Variants in PHACTR1 observed in about 807,000 individuals in gnomAD.
PHACTR1 encodes RPEL repeat containing 1.
In PHACTR1, 16 loss-of-function variants were observed where a neutral mutation model predicts 69.2. The observed-to-expected ratio is 0.23, with a 90% CI of 0.16 to 0.35. PHACTR1 has a LOEUF of 0.35. PHACTR1 is among the 10% of genes least tolerant of loss of function. The pLI is 1.00. For synonymous variants in PHACTR1, 312 were observed against 284.5 expected, an observed-to-expected ratio of 1.10 and a Z score of -0.97; for missense variants, 510 against 734.7, an observed-to-expected ratio of 0.69 and a Z score of 3.54.
At chr6:12,992,187 A>C (rs900798910) in intron 4 of PHACTR1, among the ~76,000 whole-genome samples, 5 of 152,162 alleles carry the variant, frequency 3.3e-5, no homozygotes, top group African/African-American at 9.7e-5. Context: ...GTTGAAGGAG[A>C]AATCAGAGTT....
intron 4 of PHACTR1, among the ~76,000 whole-genome samples, chr6:12,893,529 T>G (rs1195072009): frequency 6.6e-6 from 1 of 152,266 alleles, no homozygotes; most frequent in Non-Finnish European, 1.5e-5. Context: ...CTTTATGATT[T>G]TTTTACAACT....
intron 3 of PHACTR1, among the ~76,000 whole-genome samples, chr6:12,740,722 T>C (rs1764922209): frequency 6.6e-6 from 1 of 151,838 alleles, no homozygotes. Context: ...GTCTTTCTCA[T>C]TTTTTTTCTT....
chr6:12,956,302 T>C (rs1399672639), intron 4 of PHACTR1, among the ~76,000 whole-genome samples: 1 of 152,248 alleles, frequency 6.6e-6, no homozygotes, highest in Middle Eastern at 3.2e-3. Context: ...TTTTTTAACT[T>C]GATCGTCGTA....
intron 4 of PHACTR1, among the ~76,000 whole-genome samples, chr6:12,980,800 A>G (rs934447873): frequency 6.6e-6 from 1 of 152,260 alleles, no homozygotes; most frequent in Admixed American, 6.5e-5. Flanking sequence ...TGTTATTTAT[A>G]TATTTTTATG....
At chr6:12,869,971 A>G (rs1001544940) in intron 4 of PHACTR1, among the ~76,000 whole-genome samples, 5 of 152,202 alleles carry the variant, frequency 3.3e-5, no homozygotes, top group Non-Finnish European at 7.3e-5. Flanking sequence ...GTGACCTTAG[A>G]TAACCTTATG....
At chr6:13,187,151 G>A (rs1024277457) in intron 7 of PHACTR1, among the ~76,000 whole-genome samples, 6 of 152,150 alleles carry the variant, frequency 3.9e-5, no homozygotes, top group Non-Finnish European at 8.8e-5. Flanking sequence ...TCACTCACCC[G>A]CCACTCACCT....
intron 8 of PHACTR1, among the ~76,000 whole-genome samples, chr6:13,215,988 TATAACTG>T (rs1250474385): frequency 1.1e-5 from 1 of 94,762 alleles, no homozygotes; most frequent in Non-Finnish European, 2.7e-5. Context: ...CCTTTAAAAT[TATAACTG>T]ATAAGTTTAT....
chr6:13,286,408 C>G (rs148833743), intron 14 of PHACTR1, among the ~76,000 whole-genome samples, 186 bp downstream of exon 14: 1 of 152,134 alleles, frequency 6.6e-6, no homozygotes, highest in Non-Finnish European at 1.5e-5. Context: ...ACAGATGGCC[C>G]GGGCTAAAAC....
At chr6:13,039,520 A>G (rs575468832) in intron 4 of PHACTR1, among the ~76,000 whole-genome samples, 1 of 152,302 alleles carries the variant, frequency 6.6e-6, no homozygotes, top group East Asian at 1.9e-4. Flanking sequence ...GTTCCCATCA[A>G]TAATTGCCTA....
chr6:13,104,022 T>G (rs1196422715), intron 5 of PHACTR1, among the ~76,000 whole-genome samples: 1 of 152,200 alleles, frequency 6.6e-6, no homozygotes, highest in Admixed American at 6.5e-5. Flanking sequence ...AGGTGAAGGT[T>G]GCAGTGAGCT....
At chr6:13,273,377 T>C (rs1471781968) in intron 11 of PHACTR1, 1 of 155,326 alleles carries the variant, frequency 6.4e-6, no homozygotes, top group Non-Finnish European at 1.4e-5. Flanking sequence ...TCCCTTTGAA[T>C]GTTAAATTGA....
chr6:12,947,982 T>C (rs541449449), intron 4 of PHACTR1, among the ~76,000 whole-genome samples: 1 of 152,364 alleles, frequency 6.6e-6, no homozygotes, highest in Admixed American at 6.5e-5. Context: ...TAATCTATAA[T>C]GTTATTTCCA....
rs959924458 is a variant in PHACTR1, at chr6:13,287,313, C to A, written c.*235C>A. The A allele has an allele frequency of 8.9e-6, 5 of 558,878 alleles. No individual in the cohort carries two copies. Among genetic ancestry groups the A allele is most frequent in the Non-Finnish European group, 1.6e-5 (5 of 316,896 alleles). 34.6% of individuals were successfully genotyped at this position (558,878 alleles called of 1,614,324 possible). A position where few individuals can be genotyped will look rare whatever the true frequency, so the allele number is the denominator to read the frequency against. On this transcript the variant is annotated 3_prime_UTR_variant, in exon 15 of 15. Transcript: ENST00000332995. ...TTCTGACACCAAAATGCATCCCAACCCCCGGCAGTGCCAAGGGCACCAGCA... is the reference window on the plus strand; with the variant it reads ...TTCTGACACCAAAATGCATCCCAACACCCGGCAGTGCCAAGGGCACCAGCA...
chr6:12,908,437 CA>C (rs1200615959), intron 4 of PHACTR1, among the ~76,000 whole-genome samples: 1 of 151,830 alleles, frequency 6.6e-6, no homozygotes, highest in Non-Finnish European at 1.5e-5. Context: ...AACGCATTCA[CA>C]GTCTAGTGAA....
chr6:13,103,024 G>A (rs527824070), intron 5 of PHACTR1, among the ~76,000 whole-genome samples: 1 of 152,302 alleles, frequency 6.6e-6, no homozygotes, highest in African/African-American at 2.4e-5. Flanking sequence ...AACTTAAGAG[G>A]CTCAGTTTGC....
chr6:12,846,531 A>G (rs1468465462), intron 4 of PHACTR1, among the ~76,000 whole-genome samples: 1 of 152,184 alleles, frequency 6.6e-6, no homozygotes, highest in African/African-American at 2.4e-5. Context: ...CAGAGCTGCA[A>G]GGCATGCACT....
intron 4 of PHACTR1, among the ~76,000 whole-genome samples, chr6:13,044,936 A>G (rs1430214647): frequency 8.2e-5 from 12 of 146,056 alleles, no homozygotes; most frequent in Admixed American, 8.1e-4. Flanking sequence ...GTGTACATCT[A>G]TATTATATGA....
chr6:12,850,288 C>T (rs959839998), intron 4 of PHACTR1, among the ~76,000 whole-genome samples: 17 of 152,250 alleles, frequency 1.1e-4, no homozygotes, highest in African/African-American at 4.1e-4. Context: ...ACTCCTACCT[C>T]ATCTACATTC....
Position 12,960,846 on chromosome 6 carries a change from C to G in PHACTR1, c.251-92519C>G, listed in dbSNP as rs188642244. Among the ~76,000 whole-genome samples, 8 of 152,330 alleles carry G rather than the reference C, an allele frequency of 5.3e-5. No homozygotes were observed. The East Asian group carries it at 1.5e-3, about 29-fold the overall frequency. Reference sequence around the variant, plus strand: ...GCCTCCACTAGGGACAACACAGAATCTACTACCCTTAAATGGCCCCTTAAT... The same window carrying G: ...GCCTCCACTAGGGACAACACAGAATGTACTACCCTTAAATGGCCCCTTAAT... On this transcript the variant is annotated intron_variant, in intron 4 of 14. Transcript: ENST00000332995.
Sources: allele counts gnomAD v4.1 joint callset (sites outside exome capture counted in the v4.1 genomes callset), GRCh38; gene constraint gnomAD v4.1.1; transcripts MANE v1.5; gene names NCBI Gene and HGNC (gene_info 2026-07-23, HGNC 2026-07-21).